SKIL: variants seen among roughly 807,000 people sequenced by gnomAD.
The protein encoded by SKIL is ski-like protein.
A neutral mutation model predicts 69.6 loss-of-function variants in SKIL; 20 were observed. That is an observed-to-expected ratio of 0.29 (90% CI 0.20 to 0.42). The LOEUF is 0.42. SKIL is among the 10% of genes least tolerant of loss of function. The probability of loss-of-function intolerance (pLI) is 1.00; values close to 1 mark genes in which losing one functional copy is unlikely to be tolerated. For synonymous variants in SKIL, 310 were observed against 279.9 expected (o/e 1.11, Z -1.08); for missense variants, 745 against 783.1 (o/e 0.95, Z 0.58).
In SKIL at chr3:170,390,234, T is replaced by C; in HGVS notation, c.1441T>C (p.Ser481Pro). ...TTTTTCTCTCCAAGATGCATCAATC[T>C]CAAATAATTCTACAAGTAAAAGGAA... The part of the protein sequence containing the change: ...ELCSRLDASI[S>P]NNSTSKRKSE... Residue 481 changes from serine (S) to proline (P), a missense_variant, in exon 5 of 7, where the codon TCA becomes CCA. By Grantham distance (74) the Ser-to-Pro change is moderately conservative. Transcript: ENST00000259119. 1 of 1,610,494 alleles carries C rather than the reference T, an allele frequency of 6.2e-7. No individual in the cohort carries two copies. The highest frequency in any genetic ancestry group is 8.5e-7 in the Non-Finnish European group (1 of 1,176,828).
chr3:170,360,110 C>T lies in SKIL; in HGVS notation c.-222C>T, dbSNP rs532484705. Reference sequence around the variant, plus strand: ...TGCCTCTTTTCTTTATTATTAGAGGCAAAACGAACAATTTTATAGGATTTG... The same window carrying T: ...TGCCTCTTTTCTTTATTATTAGAGGTAAAACGAACAATTTTATAGGATTTG... On this transcript the variant is annotated 5_prime_UTR_variant, in exon 2 of 7. Coordinates refer to ENST00000259119, the MANE Select transcript of SKIL (RefSeq NM_005414.5). 201 of 433,860 alleles carry T rather than the reference C, an allele frequency of 4.6e-4. No homozygotes were observed. Among genetic ancestry groups the T allele is most frequent in the African/African-American group, 3.4e-3 (168 of 49,014 alleles). The allele number at this position is 433,860 out of a possible 1,614,324, so 26.9% of individuals were successfully genotyped here. A position where few individuals can be genotyped will look rare whatever the true frequency, so the allele number is the denominator to read the frequency against.
At chr3:170,380,047 C>G (rs937252042) in intron 2 of SKIL, among the ~76,000 whole-genome samples, 3 of 152,128 alleles carry the variant, frequency 2.0e-5, no homozygotes, top group Non-Finnish European at 4.4e-5. Context: ...GTATAAAGTT[C>G]TCAGCCCGTA....
At chr3:170,376,042 C>CTTTTTTTTTTTTTTTTTTTTT (rs869036195) in intron 2 of SKIL, among the ~76,000 whole-genome samples, 1 of 89,130 alleles carries the variant, frequency 1.1e-5, no homozygotes, top group Non-Finnish European at 2.1e-5. Flanking sequence ...GCTGATTTTC[C>CTTTTTTTTTTTTTTTTTTTTT]TTTTTTTTTT....
chr3:170,384,592 T>C lies in SKIL; in HGVS notation c.1256T>C (p.Val419Ala). 6.2e-7 allele frequency: 1 copy of C among 1,613,216 alleles called. No individual in the cohort carries two copies. The highest frequency in any genetic ancestry group is 1.7e-5 in the Admixed American group (1 of 59,972). ...VAPNVSLTSA[V>A]SQSKELTKTE... ...CCAAATGTGTCACTTACTTCTGCTG[T>C]ATCCCAGTCTAAAGAGCTCACAAAG... Residue 419 changes from valine to alanine, a missense_variant, in exon 4 of 7, where the codon GTA becomes GCA. By Grantham distance (64) the Val-to-Ala change is moderately conservative. Coordinates refer to ENST00000259119, the MANE Select transcript of SKIL (RefSeq NM_005414.5).
At chr3:170,377,579 C>A (rs1737097520) in intron 2 of SKIL, among the ~76,000 whole-genome samples, 1 of 111,716 alleles carries the variant, frequency 9.0e-6, no homozygotes, top group Non-Finnish European at 1.7e-5. Flanking sequence ...GACAGAGTCT[C>A]ACTCTGTCAC....
At chr3:170,363,839 T>TG (rs1479165273) in intron 2 of SKIL, among the ~76,000 whole-genome samples, 1 of 151,894 alleles carries the variant, frequency 6.6e-6, no homozygotes, top group African/African-American at 2.4e-5. Context: ...GTGTAGAACT[T>TG]GCTTACAGTT....
chr3:170,375,255 TAAAA>T (rs997835939), intron 2 of SKIL, among the ~76,000 whole-genome samples: 1 of 152,050 alleles, frequency 6.6e-6, no homozygotes, highest in African/African-American at 2.4e-5. Flanking sequence ...GACTAGGAAA[TAAAA>T]TAAAGAATAG....
At position 170,382,261 on chromosome 3, in the gene SKIL, TTTGAAA is replaced by T. The variant is rs1435249256; in HGVS notation, c.1196+922_1196+927del. On this transcript the variant is annotated intron_variant, in intron 3 of 6. Coordinates refer to ENST00000259119, the MANE Select transcript of SKIL (RefSeq NM_005414.5). ...AATGAATTGTAAATTGCACTGAATATTTGAAATAACCTTTACTATGTGTTTCTATGT... is the reference window on the plus strand; with the variant it reads ...AATGAATTGTAAATTGCACTGAATATTAACCTTTACTATGTGTTTCTATGT... 5.3e-3 allele frequency among the ~76,000 whole-genome samples: 809 copies of T among 152,250 alleles called. 6 individuals are homozygous for T. Among genetic ancestry groups the T allele is most frequent in the African/African-American group, 0.018 (733 of 41,534 alleles).
intron 4 of SKIL, among the ~76,000 whole-genome samples, 158 bp from the exon 5 acceptor site, chr3:170,390,065 T>C (rs1209603953): frequency 7.9e-5 from 12 of 152,240 alleles, no homozygotes; most frequent in Non-Finnish European, 5.9e-5. Flanking sequence ...GTAGTTTTCA[T>C]TGTACTTGCA....
rs566772816 is a variant in SKIL, at chr3:170,392,456, G to GT, written c.*47dup. On this transcript the variant is annotated 3_prime_UTR_variant, in exon 7 of 7. Transcript: ENST00000259119. The stretch of plus-strand genomic sequence containing the variant: ...GATTCATCTGTGTATTACTGACAAG[G>GT]TTTTTTTTGTTTGTTGCTTGCTTTG... The GT allele has an allele frequency of 5.9e-5, 79 of 1,349,282 alleles. No individual in the cohort carries two copies. The highest frequency in any genetic ancestry group is 1.8e-4 in the South Asian group (11 of 62,292). 83.6% of individuals were successfully genotyped at this position (1,349,282 alleles called of 1,614,324 possible). A position where few individuals can be genotyped will look rare whatever the true frequency, so the allele number is the denominator to read the frequency against.
chr3:170,362,500 AAAAAC>A (rs749503184), intron 2 of SKIL, among the ~76,000 whole-genome samples: 5 of 147,324 alleles, frequency 3.4e-5, no homozygotes, highest in South Asian at 2.2e-4. Context: ...AACTCCATCA[AAAAAC>A]AAAACAAAAC....
chr3:170,361,149 A>G lies in SKIL; in HGVS notation c.818A>G (p.Gln273Arg), dbSNP rs1298226198. The G allele has an allele frequency of 6.2e-7, 1 of 1,614,222 alleles. No individual in the cohort carries two copies. The highest frequency in any genetic ancestry group is 8.5e-7 in the Non-Finnish European group (1 of 1,180,032). Residue 273 changes from glutamine to arginine, a missense_variant, in exon 2 of 7, where the codon CAG (glutamine) becomes CGG (arginine). Gln to Arg is a conservative substitution (Grantham distance 43, BLOSUM62 1). Transcript: ENST00000259119. ...GAGCATGAATGCCTAGGCAAATGTC[A>G]GGGTTTATTTGCACCCCAGTTTTAT... ...EVEHECLGKC[Q>R]GLFAPQFYVQ...
Position 170,384,785 on chromosome 3 carries a change from C to A in SKIL, c.1429+20C>A. 7.8e-7 allele frequency: 1 copy of A among 1,277,100 alleles called. No individual in the cohort carries two copies. Among genetic ancestry groups the A allele is most frequent in the Non-Finnish European group, 1.1e-6 (1 of 902,566 alleles). The allele number at this position is 1,277,100 out of a possible 1,614,324, so 79.1% of individuals were successfully genotyped here. On this transcript the variant is annotated intron_variant, in intron 4 of 6. Coordinates refer to ENST00000259119, the MANE Select transcript of SKIL (RefSeq NM_005414.5). ...GTTTAGGTAAGTATTCAGAGATTAT[C>A]TTTCTAAAATTAAATATCTAATGAA...
intron 4 of SKIL, among the ~76,000 whole-genome samples, chr3:170,389,402 C>T (rs1737800106): frequency 6.6e-6 from 1 of 151,504 alleles, no homozygotes; most frequent in Non-Finnish European, 1.5e-5. Context: ...CAAGCTCCGC[C>T]TCCCAGGTTC....
At chr3:170,361,478 A>G (rs1259822249) in intron 2 of SKIL, 49 bp downstream of exon 2, 2 of 1,389,152 alleles carry the variant, frequency 1.4e-6, no homozygotes, top group Non-Finnish European at 2.0e-6. Flanking sequence ...TTACTTTGAA[A>G]TGAAAATTCT....
chr3:170,368,995 AC>A (rs1247279881), intron 2 of SKIL, among the ~76,000 whole-genome samples: 2 of 151,782 alleles, frequency 1.3e-5, no homozygotes, highest in African/African-American at 4.8e-5. Context: ...TTTTTACAAA[AC>A]GACTTTTATA....
chr3:170,371,547 TA>T (rs1194797822), intron 2 of SKIL, among the ~76,000 whole-genome samples: 1 of 152,176 alleles, frequency 6.6e-6, no homozygotes, highest in African/African-American at 2.4e-5. Context: ...GTTACTGGAA[TA>T]ATACTTTTGG....
chr3:170,360,071 C>T lies in SKIL; in HGVS notation c.-261C>T, dbSNP rs1736145070. On this transcript the variant is annotated 5_prime_UTR_variant, in exon 2 of 7. Coordinates refer to ENST00000259119, the MANE Select transcript of SKIL (RefSeq NM_005414.5). ...TCTGAAGAATTCAAGAAAACAAAGG[C>T]ATCCTCAGAGGTGTGCCTCTTTTCT... 2.9e-6 allele frequency: 1 copy of T among 343,808 alleles called. No homozygotes were observed. Among genetic ancestry groups the T allele is most frequent in the South Asian group, 8.1e-5 (1 of 12,420 alleles). 21.3% of individuals were successfully genotyped at this position (343,808 alleles called of 1,614,324 possible).
chr3:170,390,560 C>G, intron 5 of SKIL, 96 bp downstream of exon 5: 1 of 917,524 alleles, frequency 1.1e-6, no homozygotes, highest in Non-Finnish European at 1.7e-6. Context: ...AGTCTCAGCT[C>G]ACTGAAACCT....
Sources: allele counts gnomAD v4.1 joint callset (sites outside exome capture counted in the v4.1 genomes callset), GRCh38; gene constraint gnomAD v4.1.1; transcripts MANE v1.5; gene names NCBI Gene and HGNC (gene_info 2026-07-23, HGNC 2026-07-21).